Variants in NDUFB5 observed in about 807,000 individuals in gnomAD.
NDUFB5 encodes NADH:ubiquinone oxidoreductase subunit B5.
Under a neutral mutation model 19.4 loss-of-function variants are expected in NDUFB5, and 19 were observed. That is an observed-to-expected ratio of 0.98 (90% confidence interval 0.68 to 1.43). NDUFB5 has a LOEUF of 1.43. Ranked by LOEUF, NDUFB5 falls within the 40% of genes most tolerant of loss-of-function variation. The pLI, the probability that NDUFB5 is intolerant of heterozygous loss-of-function variation, is 0.00. For synonymous variants in NDUFB5, 80 were observed against 82.6 expected, an observed-to-expected ratio of 0.97 and a Z score of 0.17; for missense variants, 233 against 236.5, an observed-to-expected ratio of 0.99 and a Z score of 0.10.
At chr3:179,620,064 A>G (rs1719493439) in intron 5 of NDUFB5, among the ~76,000 whole-genome samples, 1 of 152,004 alleles carries the variant, frequency 6.6e-6, no homozygotes. Flanking sequence ...TTTCTTGTAA[A>G]TTTGTTTGAG....
rs1323980450 is a variant in NDUFB5 at position 179,617,014 on chromosome 3, C to A, written c.312C>A (p.Gly104=). The stretch of plus-strand genomic sequence containing the variant: ...CTGAACTAGCAGAAATTCCAGAAGG[C>A]TATGTCCCAGAACACTGGGAATATT... ...GQAELAEIPE[G]YVPEHWEYYK... Residue 104 remains glycine (G), a synonymous_variant, in exon 4 of 6, where the codon GGC becomes GGA. Coordinates refer to ENST00000259037, the MANE Select transcript of NDUFB5 (RefSeq NM_002492.4). 6.2e-7 allele frequency: 1 copy of A among 1,612,786 alleles called. No homozygotes were observed. Among genetic ancestry groups the A allele is most frequent in the Admixed American group, 1.7e-5 (1 of 59,952 alleles).
chr3:179,622,668 C>T (rs552712248), intron 5 of NDUFB5, among the ~76,000 whole-genome samples: 1 of 152,172 alleles, frequency 6.6e-6, no homozygotes, highest in South Asian at 2.1e-4. Flanking sequence ...TAGTTATACT[C>T]TAAAGAGTAG....
Position 179,604,808 on chromosome 3 carries a change from T to C in NDUFB5, c.-8T>C, listed in dbSNP as rs1409826236. ...CCGCCTCCCTTCTTCCTCCTGCCCG[T>C]AGTAGCCATGGCGGCCATGAGTTTG... is the stretch of plus-strand genomic sequence containing the variant. On this transcript the variant is annotated 5_prime_UTR_variant, in exon 1 of 6. Coordinates refer to ENST00000259037, the MANE Select transcript of NDUFB5 (RefSeq NM_002492.4). 1 of 1,610,012 alleles carries C rather than the reference T, an allele frequency of 6.2e-7. No homozygotes were observed. Among genetic ancestry groups the C allele is most frequent in the Non-Finnish European group, 8.5e-7 (1 of 1,179,042 alleles).
chr3:179,613,961 C>T (rs1374283977), intron 1 of NDUFB5, among the ~76,000 whole-genome samples: 1 of 151,970 alleles, frequency 6.6e-6, no homozygotes, highest in Non-Finnish European at 1.5e-5. Flanking sequence ...GGACAGCATT[C>T]CAGACATTAA....
intron 5 of NDUFB5, among the ~76,000 whole-genome samples, 189 bp downstream of exon 5, chr3:179,618,710 G>T (rs1397574575): frequency 6.6e-6 from 1 of 152,246 alleles, no homozygotes; most frequent in Admixed American, 6.5e-5. Context: ...AATTAGCCGG[G>T]CGTGGTGGTA....
In NDUFB5 at chr3:179,604,798, C is replaced by T. The variant is rs3817369; in HGVS notation, c.-18C>T. ...CTTCCGTGACCCGCCTCCCTTCTTC[C>T]TCCTGCCCGTAGTAGCCATGGCGGC... is the stretch of plus-strand genomic sequence containing the variant. On this transcript the variant is annotated 5_prime_UTR_variant, in exon 1 of 6. Transcript: ENST00000259037. 7.5e-6 allele frequency: 12 copies of T among 1,609,750 alleles called. No individual in the cohort carries two copies. Among genetic ancestry groups the T allele is most frequent in the South Asian group, 3.3e-5 (3 of 90,760 alleles).
chr3:179,624,118 T>A lies in NDUFB5; in HGVS notation c.*78T>A. The A allele has an allele frequency of 7.4e-7, 1 of 1,350,672 alleles. No homozygotes were observed. The highest frequency in any genetic ancestry group is 1.0e-6 in the Non-Finnish European group (1 of 1,003,342). The allele number at this position is 1,350,672 out of a possible 1,614,324, so 83.7% of individuals were successfully genotyped here. On this transcript the variant is annotated 3_prime_UTR_variant, in exon 6 of 6. Transcript: ENST00000259037. ...ATAAATATATTCTGTATTTTTGCTC[T>A]CCGTGAAAAACAAAAGAGCCTCTGA...
At chr3:179,618,282 A>AT (rs1263527329) in intron 4 of NDUFB5, 133 bp from the exon 5 acceptor site, 1 of 539,906 alleles carries the variant, frequency 1.9e-6, no homozygotes, top group Non-Finnish European at 3.2e-6. Flanking sequence ...ATTATTTTAT[A>AT]TATAGGTATA....
In NDUFB5 at chr3:179,617,010, A is replaced by G. The variant is rs1296232443; in HGVS notation, c.308A>G (p.Glu103Gly). The G allele has an allele frequency of 6.2e-7, 1 of 1,612,988 alleles. No individual in the cohort carries two copies. The highest frequency in any genetic ancestry group is 1.1e-5 in the South Asian group (1 of 91,024). ...CAAGCTGAACTAGCAGAAATTCCAGAAGGCTATGTCCCAGAACACTGGGAA... is the reference window on the plus strand; with the variant it reads ...CAAGCTGAACTAGCAGAAATTCCAGGAGGCTATGTCCCAGAACACTGGGAA... ...IGQAELAEIP[E>G]GYVPEHWEYY... The change falls in exon 4 of 6, where the codon GAA becomes GGA. Residue 103 changes from glutamate (E) to glycine (G), a missense_variant. Physicochemically the swap from Glu to Gly is moderately conservative, Grantham distance 98. Transcript: ENST00000259037.
chr3:179,622,318 T>G (rs1719559722), intron 5 of NDUFB5, among the ~76,000 whole-genome samples: 1 of 143,260 alleles, frequency 7.0e-6, no homozygotes, highest in Non-Finnish European at 1.5e-5. Flanking sequence ...TTTGTTTTTG[T>G]TTTTTTTTTA....
chr3:179,622,850 A>G (rs1576886317), intron 5 of NDUFB5, among the ~76,000 whole-genome samples: 1 of 152,368 alleles, frequency 6.6e-6, no homozygotes, highest in East Asian at 1.9e-4. Context: ...AAAAACAGAA[A>G]GTAAAAGGTT....
intron 1 of NDUFB5, among the ~76,000 whole-genome samples, chr3:179,605,408 G>A (rs1344472005): frequency 1.3e-5 from 2 of 152,092 alleles, no homozygotes; most frequent in African/African-American, 4.8e-5. Context: ...GTACCGTGCC[G>A]CCCAATAATG....
rs540632046 is a variant in NDUFB5 at position 179,626,015 on chromosome 3, C to T, written c.*1975C>T. 6.5e-4 allele frequency: 99 copies of T among 152,280 alleles called. No individual in the cohort carries two copies. The highest frequency in any genetic ancestry group is 2.1e-3 in the African/African-American group (89 of 41,552). 9.4% of individuals were successfully genotyped at this position (152,280 alleles called of 1,614,324 possible). On this transcript the variant is annotated 3_prime_UTR_variant, in exon 6 of 6. Coordinates refer to ENST00000259037, the MANE Select transcript of NDUFB5 (RefSeq NM_002492.4). ...TTTCTTGAGGAACCTTCATGGTGTT[C>T]TTCATAGTGGTTGTACTACTGTACA...
intron 1 of NDUFB5, among the ~76,000 whole-genome samples, chr3:179,614,141 C>T (rs758132521): frequency 5.1e-4 from 78 of 152,146 alleles, no homozygotes; most frequent in Non-Finnish European, 8.8e-4. Flanking sequence ...TAGATCCTTT[C>T]CTGTTCCCAG....
chr3:179,607,693 T>C (rs894555162), intron 1 of NDUFB5: 1 of 694,464 alleles, frequency 1.4e-6, no homozygotes, highest in Non-Finnish European at 2.6e-6. Flanking sequence ...CAGAACTTTT[T>C]TCATATGGTA....
Position 179,604,837 on chromosome 3 carries a change from C to A in NDUFB5, c.22C>A (p.Arg8=), listed in dbSNP as rs376623093. Residue 8 remains arginine, a synonymous_variant, in exon 1 of 6, where the codon CGG becomes AGG. Coordinates refer to ENST00000259037, the MANE Select transcript of NDUFB5 (RefSeq NM_002492.4). MAAMSLL[R]RVSVTAVAAL... ...AGCCATGGCGGCCATGAGTTTGTTG[C>A]GGCGGGTTTCGGTTACTGCGGTGGC... The A allele has an allele frequency of 2.5e-6, 4 of 1,606,046 alleles. No homozygotes were observed. Among genetic ancestry groups the A allele is most frequent in the Admixed American group, 1.8e-5 (1 of 56,386 alleles).
chr3:179,613,937 G>C (rs6791897), intron 1 of NDUFB5, among the ~76,000 whole-genome samples: 2,841 of 152,266 alleles, frequency 0.019, 98 homozygotes, highest in African/African-American at 0.065. Flanking sequence ...GCCTAACATA[G>C]ATTTCAGGAG....
At chr3:179,615,119 C>T in intron 2 of NDUFB5, 60 bp downstream of exon 2, 1 of 1,017,228 alleles carries the variant, frequency 9.8e-7, no homozygotes, top group Non-Finnish European at 1.5e-6. Flanking sequence ...AAAATTTTTG[C>T]CTCTTTAGAA....
At chr3:179,611,698 C>T (rs888818600) in intron 1 of NDUFB5, among the ~76,000 whole-genome samples, 1 of 152,026 alleles carries the variant, frequency 6.6e-6, no homozygotes, top group African/African-American at 2.4e-5. Flanking sequence ...CTGTGCCCGG[C>T]CCAGTTGTTG....
Sources: gnomAD v4.1 joint callset for allele counts (sites outside exome capture counted in the v4.1 genomes callset) on GRCh38, gnomAD v4.1.1 for gene constraint, MANE v1.5 for transcripts, NCBI Gene and HGNC (gene_info 2026-07-23, HGNC 2026-07-21) for gene names.